The following MYLIP variants were observed in gnomAD, a reference collection of about 807,000 sequenced individuals.
MYLIP encodes E3 ubiquitin-protein ligase MYLIP.
In MYLIP, 26 loss-of-function variants were observed where a neutral mutation model predicts 45.8. The observed-to-expected ratio is 0.57, with a 90% CI of 0.42 to 0.79. The LOEUF is 0.79. MYLIP is among the 30% of genes least tolerant of loss of function. MYLIP has a pLI of 0.00. For missense variants in MYLIP, 494 were observed against 555.6 expected, an observed-to-expected ratio of 0.89 and a Z score of 1.11; for synonymous variants, 213 against 218.1, an observed-to-expected ratio of 0.98 and a Z score of 0.21.
the MYLIP span, among the ~76,000 whole-genome samples, chr6:16,157,410 G>A: frequency 6.6e-6 from 1 of 152,176 alleles, no homozygotes; most frequent in Non-Finnish European, 1.5e-5. Context: ...ATCACTATCT[G>A]GCTTACTATA....
the MYLIP span, among the ~76,000 whole-genome samples, chr6:16,161,635 A>G: frequency 6.6e-6 from 1 of 152,244 alleles, no homozygotes; most frequent in African/African-American, 2.4e-5. Context: ...TTACTAAACT[A>G]GTCGAAAATG....
intron 3 of MYLIP, among the ~76,000 whole-genome samples, chr6:16,142,183 G>A (rs1442984054): frequency 6.6e-6 from 1 of 152,092 alleles, no homozygotes; most frequent in East Asian, 1.9e-4. Flanking sequence ...ATGAATCTGT[G>A]GTACATACAC....
the MYLIP span, among the ~76,000 whole-genome samples, chr6:16,159,838 A>G: frequency 6.6e-6 from 1 of 152,158 alleles, no homozygotes; most frequent in Non-Finnish European, 1.5e-5. Flanking sequence ...ATCGAAAGAA[A>G]CCATCGGGGC....
At chr6:16,134,943 A>T (rs1250673204) in intron 2 of MYLIP, among the ~76,000 whole-genome samples, 2 of 152,006 alleles carry the variant, frequency 1.3e-5, no homozygotes, top group Admixed American at 1.3e-4. Flanking sequence ...AGGTTTTTAA[A>T]ACGACATGTA....
downstream of MYLIP, among the ~76,000 whole-genome samples, chr6:16,151,745 C>A (rs1343973303): frequency 6.6e-6 from 1 of 152,104 alleles, no homozygotes; most frequent in Non-Finnish European, 1.5e-5. Context: ...TATGTCAGGA[C>A]CACACAAATG....
chr6:16,152,587 C>T (rs1180455775), downstream of MYLIP, among the ~76,000 whole-genome samples: 2 of 152,170 alleles, frequency 1.3e-5, no homozygotes, highest in Non-Finnish European at 2.9e-5. Flanking sequence ...TTGAGAAACC[C>T]TGGGCTGCAT....
chr6:16,141,220 A>G (rs1286154484), intron 2 of MYLIP, among the ~76,000 whole-genome samples: 1 of 152,238 alleles, frequency 6.6e-6, no homozygotes, highest in Non-Finnish European at 1.5e-5. Context: ...TTGGGGTATC[A>G]TTTGAATAAA....
At chr6:16,161,620 C>T in the MYLIP span, among the ~76,000 whole-genome samples, 1 of 152,008 alleles carries the variant, frequency 6.6e-6, no homozygotes, top group Non-Finnish European at 1.5e-5. Context: ...TTTTGGCAGT[C>T]GATATTACTA....
intron 2 of MYLIP, among the ~76,000 whole-genome samples, chr6:16,134,126 T>C (rs1029765243): frequency 6.6e-6 from 1 of 152,194 alleles, no homozygotes; most frequent in Non-Finnish European, 1.5e-5. Context: ...TAATACTACA[T>C]ATACTTACGT....
rs1759800174 is a variant in MYLIP, at chr6:16,146,729, T to C, written c.1316T>C (p.Leu439Pro). 7 of 1,610,900 alleles carry C rather than the reference T, an allele frequency of 4.3e-6. No homozygotes were observed. Among genetic ancestry groups the C allele is most frequent in the Non-Finnish European group, 5.9e-6 (7 of 1,178,170 alleles). ...GTCTATCTGCCAACGCACACCAGTC[T>C]TCTCAATCTGACTGTAATCTAATCT... ...QHVYLPTHTS[L>P]LNLTVI The change falls in exon 7 of 7, where the codon CTT (leucine) becomes CCT (proline). Residue 439 changes from leucine (L) to proline (P), a missense_variant. Coordinates refer to ENST00000356840, the MANE Select transcript of MYLIP (RefSeq NM_013262.4).
intron 4 of MYLIP, 134 bp downstream of exon 4, chr6:16,143,351 T>A: frequency 1.1e-6 from 1 of 900,856 alleles, no homozygotes; most frequent in Non-Finnish European, 1.7e-6. Flanking sequence ...GTATGTACAT[T>A]AATTTTATTC....
At chr6:16,162,960 C>T in the MYLIP span, among the ~76,000 whole-genome samples, 2 of 151,956 alleles carry the variant, frequency 1.3e-5, no homozygotes, top group African/African-American at 4.8e-5. Context: ...TCTGCTTTTC[C>T]GGCTTTTGGC....
chr6:16,131,706 G>T (rs1759463677), intron 2 of MYLIP, among the ~76,000 whole-genome samples: 1 of 152,220 alleles, frequency 6.6e-6, no homozygotes, highest in African/African-American at 2.4e-5. Flanking sequence ...AAGTAATGAT[G>T]AATGAGCATT....
At chr6:16,145,729 C>T (rs1175591216) in intron 6 of MYLIP, among the ~76,000 whole-genome samples, 3 of 152,100 alleles carry the variant, frequency 2.0e-5, no homozygotes, top group Non-Finnish European at 4.4e-5. Context: ...GAATACTTCT[C>T]AATTATCCAT....
intron 4 of MYLIP, 22 bp from the exon 5 acceptor site, chr6:16,143,677 C>G (rs1759724998): frequency 6.2e-7 from 1 of 1,612,014 alleles, no homozygotes; most frequent in African/African-American, 1.3e-5. Flanking sequence ...GATCTGCTTT[C>G]TTTTCTCTTC....
chr6:16,142,898 C>A, intron 3 of MYLIP, 122 bp from the exon 4 acceptor site: 1 of 987,654 alleles, frequency 1.0e-6, no homozygotes, highest in Non-Finnish European at 1.5e-6. Flanking sequence ...ATCAGTAATA[C>A]ATAAGTTTTA....
rs779983827 is a variant in MYLIP, at chr6:16,143,852, C to T, written c.816C>T (p.His272=). The T allele has an allele frequency of 9.3e-6, 15 of 1,612,894 alleles. No individual in the cohort carries two copies. Among genetic ancestry groups the T allele is most frequent in the South Asian group, 2.2e-5 (2 of 91,008 alleles). The change falls in exon 5 of 7, where the codon CAC becomes CAT. Residue 272 remains histidine, a synonymous_variant. Coordinates refer to ENST00000356840, the MANE Select transcript of MYLIP (RefSeq NM_013262.4). ...SGLYRAITET[H]AFYRCDTVTS... ...TCTACCGAGCGATAACAGAGACGCA[C>T]GCATTCTACAGGCACGTATCTCGTG...
the MYLIP span, among the ~76,000 whole-genome samples, chr6:16,158,050 G>A: frequency 1.3e-5 from 2 of 152,336 alleles, no homozygotes; most frequent in East Asian, 1.9e-4. Context: ...TTGGCCACTA[G>A]GATCCTCTTT....
At position 16,147,509 on chromosome 6, in the gene MYLIP, G is replaced by A. The variant is rs1240249991; in HGVS notation, c.*758G>A. On this transcript the variant is annotated 3_prime_UTR_variant, in exon 7 of 7. Coordinates refer to ENST00000356840, the MANE Select transcript of MYLIP (RefSeq NM_013262.4). ...GTCAAGTACTCCCCGGGCCTTCTGAGCTGGTGGAATATTTTATTTCAGACT... is the reference window on the plus strand; with the variant it reads ...GTCAAGTACTCCCCGGGCCTTCTGAACTGGTGGAATATTTTATTTCAGACT... 6.6e-6 allele frequency: 1 copy of A among 152,220 alleles called. No individual in the cohort carries two copies. Among genetic ancestry groups the A allele is most frequent in the African/African-American group, 2.4e-5 (1 of 41,438 alleles). 9.4% of individuals were successfully genotyped at this position (152,220 alleles called of 1,614,324 possible). A position where few individuals can be genotyped will look rare whatever the true frequency, so the allele number is the denominator to read the frequency against.
Sources: gnomAD v4.1 joint callset for allele counts (sites outside exome capture counted in the v4.1 genomes callset) on GRCh38, gnomAD v4.1.1 for gene constraint, MANE v1.5 for transcripts, NCBI Gene and HGNC (gene_info 2026-07-23, HGNC 2026-07-21) for gene names.